CUL2: variants seen among roughly 807,000 people sequenced by gnomAD.
CUL2 encodes cullin-2.
CUL2 carries 22 observed loss-of-function variants against 110.2 expected under a neutral mutation model. The observed-to-expected ratio is 0.20, with a 90% CI of 0.14 to 0.28. CUL2 has a LOEUF of 0.28. CUL2 is among the 10% of genes least tolerant of loss of function. The pLI, the probability that CUL2 is intolerant of heterozygous loss-of-function variation, is 1.00. For missense variants in CUL2, 631 were observed against 905.5 expected (o/e 0.70, Z 3.89); for synonymous variants, 279 against 293.2 (o/e 0.95, Z 0.49).
At position 35,009,361 on chromosome 10, in the gene CUL2, G is replaced by A. The variant is rs371440945; in HGVS notation, c.*950C>T. 5 of 152,060 alleles carry A rather than the reference G, an allele frequency of 3.3e-5. No homozygotes were observed. Among genetic ancestry groups the A allele is most frequent in the East Asian group, 3.9e-4 (2 of 5,180 alleles). The allele number at this position is 152,060 out of a possible 1,614,324, so 9.4% of individuals were successfully genotyped here. On this transcript the variant is annotated 3_prime_UTR_variant, in exon 21 of 21. Transcript: ENST00000374749. ...TGACTCTAGTATCTAAACTGTTGGA[G>A]GAGGGTTGTAAGGGTAACAGGTAGG...
At chr10:35,012,856 T>A (rs572799274) in intron 19 of CUL2, among the ~76,000 whole-genome samples, 16 of 152,174 alleles carry the variant, frequency 1.1e-4, no homozygotes, top group African/African-American at 3.9e-4. Flanking sequence ...AAACAGTCTA[T>A]CCCAGACCAA....
chr10:35,052,309 T>C (rs1295753085), intron 5 of CUL2, among the ~76,000 whole-genome samples: 2 of 152,148 alleles, frequency 1.3e-5, no homozygotes, highest in Non-Finnish European at 2.9e-5. Context: ...AACTGGTATT[T>C]TACACATGTG....
rs139279111 is a variant in CUL2 at position 35,084,233 on chromosome 10, C to T, written c.-23+5946G>A. Among the ~76,000 whole-genome samples the T allele has an allele frequency of 1.0e-2, 1,520 of 152,218 alleles. 15 individuals carry two copies. The highest frequency in any genetic ancestry group is 0.013 in the Non-Finnish European group (887 of 68,020). ...CAGAGGTTGCAGTGAGCTGAGATCG[C>T]GCCACTGCACTACAGCTTGGGTGAC... is the stretch of plus-strand genomic sequence containing the variant. On this transcript the variant is annotated intron_variant, in intron 1 of 20. Coordinates refer to ENST00000374749, the MANE Select transcript of CUL2 (RefSeq NM_003591.4).
chr10:35,059,089 TTTC>T (rs1249009168), intron 4 of CUL2, among the ~76,000 whole-genome samples: 1 of 152,198 alleles, frequency 6.6e-6, no homozygotes, highest in African/African-American at 2.4e-5. Context: ...GAGAAAGTGG[TTTC>T]TTGAGACAGA....
upstream of CUL2, among the ~76,000 whole-genome samples, chr10:35,093,229 A>T (rs889616801): frequency 3.3e-5 from 5 of 151,968 alleles, no homozygotes; most frequent in African/African-American, 1.2e-4. Flanking sequence ...GATTTGAGTG[A>T]TAACTCCAGT....
chr10:35,111,085 G>T (rs910735634), intron 1 of CUL2, among the ~76,000 whole-genome samples: 1 of 152,132 alleles, frequency 6.6e-6, no homozygotes, highest in African/African-American at 2.4e-5. Context: ...GCATGGGTTT[G>T]CTGCTTCTAA....
upstream of CUL2, among the ~76,000 whole-genome samples, chr10:35,095,641 C>T (rs2087286042): frequency 1.3e-5 from 2 of 152,104 alleles, no homozygotes. Flanking sequence ...TCACTGCAAC[C>T]TCCGCCTCCC....
intron 17 of CUL2, among the ~76,000 whole-genome samples, chr10:35,021,853 A>AGGTGG (rs1564699336): frequency 3.2e-5 from 1 of 31,260 alleles, no homozygotes; most frequent in African/African-American, 1.1e-4. Flanking sequence ...AGGTGAGGTG[A>AGGTGG]GGTGAGGTGG....
At chr10:35,079,588 G>A (rs918207439) in intron 1 of CUL2, 4 of 152,792 alleles carry the variant, frequency 2.6e-5, no homozygotes, top group Non-Finnish European at 5.9e-5. Flanking sequence ...TTTACAGATT[G>A]AGATTTGACA....
At chr10:35,016,863 G>A (rs1042485491) in intron 17 of CUL2, among the ~76,000 whole-genome samples, 1 of 148,152 alleles carries the variant, frequency 6.7e-6, no homozygotes, top group Non-Finnish European at 1.5e-5. Flanking sequence ...GGAGGCGGAG[G>A]TTGCAGCAAG....
intron 1 of CUL2, chr10:35,118,496 C>A (rs1004531475): frequency 6.6e-6 from 1 of 152,208 alleles, no homozygotes; most frequent in Admixed American, 6.5e-5. Flanking sequence ...TTGTCAACAT[C>A]CAATTCACAA....
chr10:35,088,027 C>G (rs1389174007), intron 1 of CUL2, among the ~76,000 whole-genome samples: 3 of 152,218 alleles, frequency 2.0e-5, no homozygotes, highest in Non-Finnish European at 4.4e-5. Context: ...AATAGGAAAA[C>G]TGTTCCCTCA....
chr10:35,112,984 G>A (rs2135131661), intron 1 of CUL2, among the ~76,000 whole-genome samples: 1 of 151,770 alleles, frequency 6.6e-6, no homozygotes, highest in African/African-American at 2.4e-5. Context: ...ACAAGGTCAG[G>A]AGATGGAGAC....
chr10:35,073,093 C>T (rs2086723908), intron 1 of CUL2, among the ~76,000 whole-genome samples: 1 of 152,052 alleles, frequency 6.6e-6, no homozygotes, highest in Admixed American at 6.6e-5. Context: ...GAATAGACTC[C>T]ATGGAAAAGA....
chr10:35,018,120 T>TAC (rs2085085464), intron 17 of CUL2, among the ~76,000 whole-genome samples: 1 of 37,152 alleles, frequency 2.7e-5, no homozygotes, highest in East Asian at 7.1e-4. Flanking sequence ...CTACTAAAAA[T>TAC]ACAAAAAAAA....
intron 17 of CUL2, among the ~76,000 whole-genome samples, chr10:35,020,481 A>C (rs1425389181): frequency 6.6e-6 from 1 of 152,270 alleles, no homozygotes; most frequent in Non-Finnish European, 1.5e-5. Flanking sequence ...TAAGGTATGC[A>C]CAATGATATG....
rs938344119 is a variant in CUL2 at position 35,009,679 on chromosome 10, T to C, written c.*632A>G. 2 of 152,526 alleles carry C rather than the reference T, an allele frequency of 1.3e-5. No individual in the cohort carries two copies. The highest frequency in any genetic ancestry group is 2.4e-5 in the African/African-American group (1 of 41,460). 9.4% of individuals were successfully genotyped at this position (152,526 alleles called of 1,614,324 possible). A position where few individuals can be genotyped will look rare whatever the true frequency, so the allele number is the denominator to read the frequency against. ...ATCCATAAAAATAAAGCATTCTTTA[T>C]GCTGAATGCAGTCCTATGCAGTCAA... is the stretch of plus-strand genomic sequence containing the variant. On this transcript the variant is annotated 3_prime_UTR_variant, in exon 21 of 21. Transcript: ENST00000374749.
intron 3 of CUL2, among the ~76,000 whole-genome samples, chr10:35,062,412 C>T (rs894506152): frequency 6.6e-6 from 1 of 152,102 alleles, no homozygotes; most frequent in African/African-American, 2.4e-5. Context: ...GCTGTATAAA[C>T]ACTATCCAGA....
intron 1 of CUL2, among the ~76,000 whole-genome samples, chr10:35,113,498 CAAAAAAAAA>C (rs59518617): frequency 3.0e-4 from 10 of 33,308 alleles, no homozygotes; most frequent in South Asian, 5.0e-3. Context: ...GACTCTGCCT[CAAAAAAAAA>C]AAAAAAAAAA....
Sources: gnomAD v4.1 joint callset for allele counts (sites outside exome capture counted in the v4.1 genomes callset) on GRCh38, gnomAD v4.1.1 for gene constraint, MANE v1.5 for transcripts, NCBI Gene and HGNC (gene_info 2026-07-23, HGNC 2026-07-21) for gene names.